The following HCN1 variants were observed in gnomAD, a reference collection of about 807,000 sequenced individuals.
HCN1 encodes hyperpolarization activated cyclic nucleotide gated potassium channel 1.
Under a neutral mutation model 78.9 loss-of-function variants are expected in HCN1, and 13 were observed. The observed-to-expected ratio is 0.16, with a 90% CI of 0.11 to 0.26. HCN1 has a LOEUF of 0.26. HCN1 is among the 10% of genes least tolerant of loss of function. The probability of loss-of-function intolerance (pLI) is 1.00; values close to 1 mark genes in which losing one functional copy is unlikely to be tolerated. For synonymous variants in HCN1, 552 were observed against 455.5 expected, an observed-to-expected ratio of 1.21 and a Z score of -2.70; for missense variants, 810 against 1,154.3, an observed-to-expected ratio of 0.70 and a Z score of 4.32.
intron 2 of HCN1, among the ~76,000 whole-genome samples, chr5:45,584,706 C>T (rs539492034): frequency 2.0e-5 from 3 of 152,240 alleles, no homozygotes; most frequent in South Asian, 4.2e-4. Flanking sequence ...CCTTCTGGAG[C>T]TCTTTTAGGG....
At chr5:45,491,079 G>T (rs1407481082) in intron 2 of HCN1, among the ~76,000 whole-genome samples, 1 of 152,066 alleles carries the variant, frequency 6.6e-6, no homozygotes, top group Non-Finnish European at 1.5e-5. Flanking sequence ...CTAAGGCTTG[G>T]CTTCTGCCTC....
intron 2 of HCN1, among the ~76,000 whole-genome samples, chr5:45,623,142 A>C (rs930563681): frequency 1.3e-5 from 2 of 152,140 alleles, no homozygotes; most frequent in African/African-American, 2.4e-5. Flanking sequence ...CTCCTCCTTC[A>C]TAGCCCAAGA....
At chr5:45,299,833 C>A (rs1745574029) in intron 6 of HCN1, among the ~76,000 whole-genome samples, 1 of 151,852 alleles carries the variant, frequency 6.6e-6, no homozygotes, top group South Asian at 2.1e-4. Context: ...ACCTGATATC[C>A]AAAGTCATCT....
intron 2 of HCN1, among the ~76,000 whole-genome samples, chr5:45,623,012 C>T (rs1289911527): frequency 1.3e-5 from 2 of 152,086 alleles, no homozygotes; most frequent in Non-Finnish European, 2.9e-5. Flanking sequence ...TTTCTCTTCT[C>T]AACTCCCCAC....
At chr5:45,546,719 T>C (rs1421439896) in intron 2 of HCN1, among the ~76,000 whole-genome samples, 1 of 151,892 alleles carries the variant, frequency 6.6e-6, no homozygotes, top group African/African-American at 2.4e-5. Context: ...CTATCCTATA[T>C]GGCTTCAATG....
intron 4 of HCN1, among the ~76,000 whole-genome samples, chr5:45,360,351 C>CT (rs957558681): frequency 5.9e-5 from 9 of 151,722 alleles, no homozygotes; most frequent in Non-Finnish European, 7.4e-5. Context: ...TTCTTTTTAA[C>CT]TTTTTTATGT....
chr5:45,368,007 T>C (rs906851254), intron 4 of HCN1, among the ~76,000 whole-genome samples: 1 of 151,966 alleles, frequency 6.6e-6, no homozygotes, highest in African/African-American at 2.4e-5. Context: ...TTACTGGATC[T>C]TGACTGTAGA....
intron 1 of HCN1, chr5:45,695,220 C>CCGGTTA (rs1739982840): frequency 5.4e-6 from 1 of 185,792 alleles, no homozygotes; most frequent in South Asian, 1.1e-4. Flanking sequence ...ATCGCTGTCT[C>CCGGTTA]CGGTTACCCA....
chr5:45,387,648 A>G (rs1164205276), intron 4 of HCN1, among the ~76,000 whole-genome samples: 1 of 151,926 alleles, frequency 6.6e-6, no homozygotes, highest in Non-Finnish European at 1.5e-5. Context: ...CCTACATTTT[A>G]TTATTTTGCC....
At chr5:45,486,049 C>T (rs1579923991) in intron 2 of HCN1, among the ~76,000 whole-genome samples, 1 of 152,226 alleles carries the variant, frequency 6.6e-6, no homozygotes, top group East Asian at 1.9e-4. Context: ...GAGTAAATTG[C>T]TCAGGACCTC....
At chr5:45,464,248 T>A (rs536502981) in intron 2 of HCN1, among the ~76,000 whole-genome samples, 1 of 152,150 alleles carries the variant, frequency 6.6e-6, no homozygotes, top group Non-Finnish European at 1.5e-5. Flanking sequence ...AGGAAGTTAA[T>A]GGGGATATAA....
In HCN1 at chr5:45,396,576, C is replaced by T. The variant is rs751832265; in HGVS notation, c.1146G>A (p.Gly382=). The T allele has an allele frequency of 1.3e-5, 21 of 1,613,772 alleles. No individual in the cohort carries two copies. In the South Asian group the frequency reaches 2.3e-4, roughly 18 times the overall value. ...LWITMLSMIV[G]ATCYAMFVGH... ...CGACAAACATGGCATAGCAGGTGGC[C>T]CCGACGATCATGCTCAGCATGGTAA... The change falls in exon 4 of 8, where the codon GGG becomes GGA. Residue 382 remains glycine (G), a synonymous_variant. Coordinates refer to ENST00000303230, the MANE Select transcript of HCN1 (RefSeq NM_021072.4).
Position 45,696,006 on chromosome 5 carries a change from C to T in HCN1, c.88G>A (p.Ala30Thr). The part of the protein sequence containing the change: ...VFPAKASATG[A>T]GPAAAEKRLG... The stretch of plus-strand genomic sequence containing the variant: ...CGCTTCTCGGCCGCGGCCGGCCCCG[C>T]GCCCGTCGCGGACGCCTTGGCGGGG... Residue 30 changes from alanine (A) to threonine (T), a missense_variant, in exon 1 of 8, where the codon GCG becomes ACG. By Grantham distance (58) the Ala-to-Thr change is moderately conservative (BLOSUM62 0). Around this residue, in one of 6 missense-constraint regions of HCN1, gnomAD observed 170 missense variants for 166.8 expected, o/e 1.02. Transcript: ENST00000303230. 7.7e-7 allele frequency: 1 copy of T among 1,300,894 alleles called. No individual in the cohort carries two copies. The highest frequency in any genetic ancestry group is 9.8e-7 in the Non-Finnish European group (1 of 1,018,998). 80.6% of individuals were successfully genotyped at this position (1,300,894 alleles called of 1,614,324 possible).
chr5:45,675,213 C>T (rs951855857), intron 1 of HCN1, among the ~76,000 whole-genome samples: 9 of 151,644 alleles, frequency 5.9e-5, no homozygotes, highest in African/African-American at 2.2e-4. Context: ...GTAGCTTGGC[C>T]CCCAATTCAG....
At chr5:45,590,659 G>A (rs895728950) in intron 2 of HCN1, among the ~76,000 whole-genome samples, 2 of 152,056 alleles carry the variant, frequency 1.3e-5, no homozygotes, top group South Asian at 2.1e-4. Context: ...CCACAAACCT[G>A]TGGAAACCAC....
At chr5:45,584,997 A>G (rs559501162) in intron 2 of HCN1, among the ~76,000 whole-genome samples, 53 of 152,178 alleles carry the variant, frequency 3.5e-4, no homozygotes, top group Non-Finnish European at 6.0e-4. Flanking sequence ...GAATCCGACA[A>G]TTATGTGTCT....
chr5:45,305,756 A>T (rs757992143), intron 5 of HCN1, among the ~76,000 whole-genome samples: 1 of 150,108 alleles, frequency 6.7e-6, no homozygotes, highest in Non-Finnish European at 1.5e-5. Context: ...GAAGAAACAG[A>T]AGAAGGGAGG....
chr5:45,604,534 G>A (rs1043801481), intron 2 of HCN1, among the ~76,000 whole-genome samples: 1 of 151,942 alleles, frequency 6.6e-6, no homozygotes, highest in African/African-American at 2.4e-5. Flanking sequence ...CTACTGTTCT[G>A]TGGTCTGCTG....
intron 1 of HCN1, among the ~76,000 whole-genome samples, chr5:45,650,172 T>C (rs902242019): frequency 1.3e-5 from 2 of 152,120 alleles, no homozygotes; most frequent in East Asian, 1.9e-4. Flanking sequence ...TGGAGCAAGA[T>C]ATTTAGCTGC....
Sources: allele counts gnomAD v4.1 joint callset (sites outside exome capture counted in the v4.1 genomes callset), GRCh38; gene constraint gnomAD v4.1.1; regional missense constraint gnomAD v4.1.1; transcripts MANE v1.5; gene names NCBI Gene and HGNC (gene_info 2026-07-23, HGNC 2026-07-21).